The following PLD5 variants were observed in gnomAD, a reference collection of about 807,000 sequenced individuals.
The protein encoded by PLD5 is phospholipase D family member 5, also known as inactive phospholipase D5.
A neutral mutation model predicts 61.1 loss-of-function variants in PLD5; 36 were observed. The observed-to-expected ratio is 0.59, with a 90% CI of 0.45 to 0.78. The LOEUF (loss-of-function observed/expected upper bound fraction) is 0.78, where lower values mean the gene tolerates loss of function less well. PLD5 is among the 30% of genes least tolerant of loss of function. The probability of loss-of-function intolerance (pLI) is 0.00; values close to 1 mark genes in which losing one functional copy is unlikely to be tolerated. For missense variants in PLD5, 515 were observed against 644.4 expected (o/e 0.80, Z 2.17); for synonymous variants, 243 against 242.8 (o/e 1.00, Z -0.01).
chr1:242,501,486 G>A (rs1322040615), intron 1 of PLD5, among the ~76,000 whole-genome samples: 1 of 152,182 alleles, frequency 6.6e-6, no homozygotes, highest in Non-Finnish European at 1.5e-5. Context: ...CAGATTTGTA[G>A]TTCTGTCCAC....
intron 2 of PLD5, among the ~76,000 whole-genome samples, chr1:242,336,615 CAT>C (rs1659527838): frequency 6.6e-6 from 1 of 152,118 alleles, no homozygotes; most frequent in South Asian, 2.1e-4. Flanking sequence ...CATATAAAAT[CAT>C]ATTTCTGGGA....
At chr1:242,473,096 A>T (rs1168378448) in intron 1 of PLD5, among the ~76,000 whole-genome samples, 1 of 152,250 alleles carries the variant, frequency 6.6e-6, no homozygotes, top group Non-Finnish European at 1.5e-5. Context: ...ATAGCATGTT[A>T]ACATTCAGCA....
chr1:242,182,201 A>C (rs1667562165), intron 5 of PLD5, among the ~76,000 whole-genome samples: 1 of 152,122 alleles, frequency 6.6e-6, no homozygotes, highest in Non-Finnish European at 1.5e-5. Flanking sequence ...CAGCTCTGGG[A>C]GCTAGTGAAT....
At chr1:242,470,534 A>G (rs1211672754) in intron 1 of PLD5, among the ~76,000 whole-genome samples, 1 of 152,142 alleles carries the variant, frequency 6.6e-6, no homozygotes, top group Non-Finnish European at 1.5e-5. Flanking sequence ...CATAAAACCA[A>G]CCATGCAATG....
intron 4 of PLD5, among the ~76,000 whole-genome samples, chr1:242,262,442 C>T (rs148107694): frequency 0.012 from 1,773 of 152,276 alleles, 47 homozygotes; most frequent in African/African-American, 0.04. Flanking sequence ...CCTTTTATTG[C>T]ATGCATGATA....
chr1:242,369,508 T>C (rs1338789704), intron 1 of PLD5, among the ~76,000 whole-genome samples: 14 of 152,214 alleles, frequency 9.2e-5, no homozygotes, highest in Non-Finnish European at 5.9e-5. Context: ...ACAGTGATTC[T>C]ATGGAATATT....
chr1:242,138,127 C>T (rs1028688197), intron 5 of PLD5, among the ~76,000 whole-genome samples: 5 of 152,188 alleles, frequency 3.3e-5, no homozygotes, highest in Admixed American at 3.3e-4. Flanking sequence ...AAGGTGACGA[C>T]TGCTTAGTTC....
intron 5 of PLD5, among the ~76,000 whole-genome samples, chr1:242,176,759 T>G (rs1667175911): frequency 6.6e-6 from 1 of 152,018 alleles, no homozygotes; most frequent in Non-Finnish European, 1.5e-5. Flanking sequence ...TCAGAAAGTG[T>G]CCAAAGGATA....
intron 4 of PLD5, among the ~76,000 whole-genome samples, chr1:242,232,200 G>A (rs1158103781): frequency 6.6e-6 from 1 of 152,052 alleles, no homozygotes; most frequent in African/African-American, 2.4e-5. Flanking sequence ...TATTGGAAAT[G>A]AAAAGAGATT....
At chr1:242,301,382 C>T (rs1284140959) in intron 2 of PLD5, among the ~76,000 whole-genome samples, 1 of 152,190 alleles carries the variant, frequency 6.6e-6, no homozygotes, top group Admixed American at 6.5e-5. Context: ...GCAGAATATG[C>T]CACCTGAAAA....
At chr1:242,394,368 GAGTATATATGTGTGTA>G (rs1663243901) in intron 1 of PLD5, among the ~76,000 whole-genome samples, 2 of 99,562 alleles carry the variant, frequency 2.0e-5, no homozygotes, top group Non-Finnish European at 4.0e-5. Flanking sequence ...GTGTATATAT[GAGTATATATGTGTGTA>G]TATATGAGTA....
chr1:242,105,086 G>GTTA (rs746258601), intron 8 of PLD5, among the ~76,000 whole-genome samples: 40 of 152,166 alleles, frequency 2.6e-4, no homozygotes, highest in Non-Finnish European at 5.1e-4. Context: ...GAAAACTCAT[G>GTTA]TTATACAGTG....
chr1:242,400,864 C>T (rs1663892792), intron 1 of PLD5, among the ~76,000 whole-genome samples: 1 of 152,150 alleles, frequency 6.6e-6, no homozygotes, highest in South Asian at 2.1e-4. Flanking sequence ...GGAAGAATTC[C>T]TGGAGTGAGT....
chr1:242,167,767 T>C (rs536200361), intron 5 of PLD5, among the ~76,000 whole-genome samples: 2 of 152,318 alleles, frequency 1.3e-5, no homozygotes, highest in Admixed American at 1.3e-4. Flanking sequence ...CATCCATAGA[T>C]GTGGATTGCC....
At chr1:242,474,642 A>G (rs1429617596) in intron 1 of PLD5, among the ~76,000 whole-genome samples, 1 of 152,186 alleles carries the variant, frequency 6.6e-6, no homozygotes, top group Non-Finnish European at 1.5e-5. Context: ...AAAACCCTCT[A>G]GTAAAAGCAT....
intron 3 of PLD5, among the ~76,000 whole-genome samples, chr1:242,286,486 C>T (rs187549192): frequency 3.3e-5 from 5 of 152,216 alleles, no homozygotes; most frequent in East Asian, 3.9e-4. Flanking sequence ...TCACCAGAGA[C>T]GGGAAACTGG....
intron 1 of PLD5, among the ~76,000 whole-genome samples, chr1:242,376,159 G>C (rs1367933284): frequency 6.6e-6 from 1 of 152,176 alleles, no homozygotes; most frequent in African/African-American, 2.4e-5. Flanking sequence ...CAGCCTTGCA[G>C]GTCTGCTGAG....
intron 1 of PLD5, among the ~76,000 whole-genome samples, chr1:242,466,392 C>G (rs183599728): frequency 2.0e-5 from 3 of 151,856 alleles, no homozygotes; most frequent in African/African-American, 7.3e-5. Flanking sequence ...GAAATTAGTA[C>G]GGGCATGCAA....
intron 9 of PLD5, among the ~76,000 whole-genome samples, chr1:242,090,524 A>C (rs1659738704): frequency 6.6e-6 from 1 of 152,220 alleles, no homozygotes; most frequent in Non-Finnish European, 1.5e-5. Context: ...TTCTAATTAT[A>C]AGTCCCTGAA....
Sources: allele counts gnomAD v4.1 joint callset (sites outside exome capture counted in the v4.1 genomes callset), GRCh38; gene constraint gnomAD v4.1.1; transcripts MANE v1.5; gene names NCBI Gene and HGNC (gene_info 2026-07-23, HGNC 2026-07-21).